Variants in TEX9 observed in about 807,000 individuals in gnomAD.
The protein encoded by TEX9 is testis-expressed protein 9.
A neutral mutation model predicts 59.6 loss-of-function variants in TEX9; 74 were observed. The ratio of observed to expected loss-of-function variants is 1.24; its 90% CI spans 1.03 to 1.51. TEX9 has a LOEUF of 1.51. TEX9 is among the 40% of genes most tolerant of loss of function. The pLI, the probability that TEX9 is intolerant of heterozygous loss-of-function variation, is 0.00. For missense variants in TEX9, 522 were observed against 447.8 expected, an observed-to-expected ratio of 1.17 and a Z score of -1.49; for synonymous variants, 186 against 152.2, an observed-to-expected ratio of 1.22 and a Z score of -1.64.
At chr15:56,352,996 T>G (rs1190314966) in intron 1 of TEX9, among the ~76,000 whole-genome samples, 1 of 152,192 alleles carries the variant, frequency 6.6e-6, no homozygotes, top group Non-Finnish European at 1.5e-5. Context: ...GCTTTCCTAT[T>G]GTTAGAGGAA....
chr15:56,375,201 G>A (rs1341360214), intron 3 of TEX9, among the ~76,000 whole-genome samples: 1 of 152,074 alleles, frequency 6.6e-6, no homozygotes, highest in African/African-American at 2.4e-5. Flanking sequence ...TTTAATGATT[G>A]CCATTCTAAC....
At chr15:56,371,980 T>G (rs1218103994) in intron 2 of TEX9, among the ~76,000 whole-genome samples, 1 of 152,220 alleles carries the variant, frequency 6.6e-6, no homozygotes, top group Non-Finnish European at 1.5e-5. Flanking sequence ...TGTTCCTGTT[T>G]GTTGCTCTCA....
At chr15:56,415,229 CTTTAG>C (rs772190354) in intron 10 of TEX9, among the ~76,000 whole-genome samples, 4 of 151,852 alleles carry the variant, frequency 2.6e-5, no homozygotes, top group Non-Finnish European at 4.4e-5. Flanking sequence ...TGCAGAAGCT[CTTTAG>C]TTTAAGTAGA....
At chr15:56,314,139 CT>C (rs2045697023) in intron 1 of TEX9, among the ~76,000 whole-genome samples, 1 of 48,106 alleles carries the variant, frequency 2.1e-5, no homozygotes, top group Non-Finnish European at 4.9e-5. Context: ...TTTTTTGTGT[CT>C]CTATTTCCTT....
chr15:56,275,727 T>C (rs756831110), intron 1 of TEX9, among the ~76,000 whole-genome samples: 31 of 152,170 alleles, frequency 2.0e-4, no homozygotes, highest in Middle Eastern at 3.2e-3. Context: ...TTCCCTTATA[T>C]TACCAATAGA....
chr15:56,351,221 C>T (rs745593797), intron 1 of TEX9, among the ~76,000 whole-genome samples: 2 of 151,482 alleles, frequency 1.3e-5, no homozygotes, highest in African/African-American at 2.4e-5. Context: ...TCCAAAGTAA[C>T]GTTGTTCTGA....
chr15:56,431,121 T>C (rs1238381945), intron 12 of TEX9, among the ~76,000 whole-genome samples: 4 of 152,162 alleles, frequency 2.6e-5, no homozygotes, highest in African/African-American at 9.7e-5. Context: ...GCCACTGCAC[T>C]CCAGCCTGGG....
chr15:56,260,606 GAT>G (rs2044244025), intron 1 of TEX9, among the ~76,000 whole-genome samples: 5 of 151,966 alleles, frequency 3.3e-5, no homozygotes, highest in Admixed American at 2.6e-4. Context: ...AATTGGTTAT[GAT>G]ATGTTATCCT....
intron 1 of TEX9, among the ~76,000 whole-genome samples, chr15:56,346,186 A>G (rs868488750): frequency 1.3e-5 from 2 of 152,226 alleles, no homozygotes; most frequent in Middle Eastern, 3.2e-3. Context: ...ATCGGCAAGA[A>G]GAAGTCCCAG....
chr15:56,316,408 C>T (rs1350280996), intron 1 of TEX9, among the ~76,000 whole-genome samples: 2 of 141,928 alleles, frequency 1.4e-5, no homozygotes, highest in African/African-American at 2.6e-5. Flanking sequence ...GAGTACCCTG[C>T]CGTGTGAGGC....
chr15:56,391,462 T>C, intron 7 of TEX9, 44 bp downstream of exon 7: 1 of 1,275,952 alleles, frequency 7.8e-7, no homozygotes, highest in Non-Finnish European at 1.0e-6. Flanking sequence ...ATAGCACAGT[T>C]ACTTAGAAGA....
intron 1 of TEX9, among the ~76,000 whole-genome samples, chr15:56,312,212 C>A (rs1207813060): frequency 6.9e-6 from 1 of 145,814 alleles, no homozygotes; most frequent in Non-Finnish European, 1.5e-5. Flanking sequence ...GACATGAAGT[C>A]CTTGCCCATG....
chr15:56,326,235 G>T (rs1455067599), intron 1 of TEX9, among the ~76,000 whole-genome samples: 1 of 151,926 alleles, frequency 6.6e-6, no homozygotes, highest in Non-Finnish European at 1.5e-5. Flanking sequence ...CTACCCACTA[G>T]CCTCTTTTTC....
intron 1 of TEX9, among the ~76,000 whole-genome samples, chr15:56,332,884 A>G (rs2046180998): frequency 6.6e-6 from 1 of 152,182 alleles, no homozygotes; most frequent in African/African-American, 2.4e-5. Context: ...AGTGACTACC[A>G]TGAGCAACTA....
intron 1 of TEX9, among the ~76,000 whole-genome samples, chr15:56,267,780 CT>C (rs1376690597): frequency 6.6e-6 from 1 of 152,076 alleles, no homozygotes; most frequent in African/African-American, 2.4e-5. Context: ...CAGCTTTGTT[CT>C]TTTTGCTTAG....
chr15:56,328,184 G>A (rs754978419), intron 1 of TEX9, among the ~76,000 whole-genome samples: 1 of 151,822 alleles, frequency 6.6e-6, no homozygotes, highest in Admixed American at 6.6e-5. Context: ...AGAGTCATGA[G>A]GTCCCACTCC....
intron 12 of TEX9, chr15:56,444,695 T>C: frequency 6.3e-7 from 1 of 1,583,800 alleles, no homozygotes; most frequent in Non-Finnish European, 8.6e-7. Context: ...ACAAAATTGA[T>C]CTTTCCGTTT....
chr15:56,446,055 CAT>C (rs1596264109), downstream of TEX9: 1 of 152,036 alleles, frequency 6.6e-6, no homozygotes, highest in Non-Finnish European at 1.5e-5. Context: ...GCAACACACA[CAT>C]ATATGTGTCA....
intron 1 of TEX9, among the ~76,000 whole-genome samples, chr15:56,355,526 G>A (rs2046667768): frequency 6.6e-6 from 1 of 151,926 alleles, no homozygotes; most frequent in Non-Finnish European, 1.5e-5. Flanking sequence ...CTGTAGTCTT[G>A]GAATCAGTTA....
Sources: allele counts gnomAD v4.1 joint callset (sites outside exome capture counted in the v4.1 genomes callset), GRCh38; gene constraint gnomAD v4.1.1; transcripts MANE v1.5; gene names NCBI Gene and HGNC (gene_info 2026-07-23, HGNC 2026-07-21).